The following ARGFX variants were observed in gnomAD, a reference collection of about 807,000 sequenced individuals.
ARGFX encodes the protein arginine-fifty homeobox.
Under a neutral mutation model 8.0 loss-of-function variants are expected in ARGFX, and 10 were observed. That is an observed-to-expected ratio of 1.25 (90% CI 0.77 to 2.12). The LOEUF (loss-of-function observed/expected upper bound fraction) is 2.12, where lower values mean the gene tolerates loss of function less well. Ranked by LOEUF, ARGFX falls within the 30% of genes most tolerant of loss-of-function variation. The pLI is 0.00. For missense variants in ARGFX, 282 were observed against 324.3 expected (o/e 0.87, Z 1.00); for synonymous variants, 116 against 117.8 (o/e 0.98, Z 0.10).
chr3:121,584,892 C>T, intron 3 of ARGFX, 25 bp from the exon 4 acceptor site: 1 of 1,597,256 alleles, frequency 6.3e-7, no homozygotes, highest in Non-Finnish European at 8.5e-7. Context: ...AATGTAACCA[C>T]CCCTTCTTTA....
rs1430268165 is a variant in ARGFX, at chr3:121,589,496, C to A, written c.*2896C>A. ...GGGTCAAATGATTCTCCTGCTTTAGCCTCCCAAGTAGCTGGGACTACAGGT... is the reference window on the plus strand; with the variant it reads ...GGGTCAAATGATTCTCCTGCTTTAGACTCCCAAGTAGCTGGGACTACAGGT... On this transcript the variant is annotated 3_prime_UTR_variant, in exon 5 of 5. Transcript: ENST00000334384. 6.6e-6 allele frequency among the ~76,000 whole-genome samples: 1 copy of A among 152,052 alleles called. No individual in the cohort carries two copies. The highest frequency in any genetic ancestry group is 1.5e-5 in the Non-Finnish European group (1 of 68,008).
At chr3:121,568,645 G>C (rs552746085) in intron 1 of ARGFX, among the ~76,000 whole-genome samples, 1 of 152,212 alleles carries the variant, frequency 6.6e-6, no homozygotes, top group African/African-American at 2.4e-5. Context: ...TCTCTACCTG[G>C]CCAAACTTTT....
At chr3:121,570,349 T>G (rs1244085857) in intron 1 of ARGFX, among the ~76,000 whole-genome samples, 1 of 152,236 alleles carries the variant, frequency 6.6e-6, no homozygotes, top group Non-Finnish European at 1.5e-5. Flanking sequence ...TTTGAAGTGC[T>G]AAAAGAACTG....
At chr3:121,577,039 A>G (rs2048742690) in intron 3 of ARGFX, 139 bp downstream of exon 3, 1 of 152,022 alleles carries the variant, frequency 6.6e-6, no homozygotes, top group Non-Finnish European at 1.5e-5. Flanking sequence ...GATAAAACAA[A>G]AGTACTTGAT....
intron 3 of ARGFX, among the ~76,000 whole-genome samples, chr3:121,579,955 T>TC: frequency 7.3e-6 from 1 of 136,806 alleles, no homozygotes; most frequent in Non-Finnish European, 1.6e-5. Context: ...CTTTTTTTTT[T>TC]TTTTTTTTTT....
rs565131967 is a variant in ARGFX, at chr3:121,584,291, G to T, written c.221-626G>T. On this transcript the variant is annotated intron_variant, in intron 3 of 4. Coordinates refer to ENST00000334384, the MANE Select transcript of ARGFX (RefSeq NM_001012659.2). ...GGAAAGAAAAGAAGAGCAAAGCAAA[G>T]CAAAGCAAAGAAAAGAGCCTATTTG... Among the ~76,000 whole-genome samples, 4 of 151,750 alleles carry T rather than the reference G, an allele frequency of 2.6e-5. No homozygotes were observed. The East Asian group carries it at 7.8e-4, about 29-fold the overall frequency.
Position 121,576,717 on chromosome 3 carries a change from TTCTTTC to T in ARGFX, c.104-65_104-60del, listed in dbSNP as rs755201058. 1.5e-5 allele frequency: 4 copies of T among 262,628 alleles called. No individual in the cohort carries two copies. The East Asian group carries it at 4.8e-4, about 31-fold the overall frequency. The allele number at this position is 262,628 out of a possible 1,614,324, so 16.3% of individuals were successfully genotyped here. A position where few individuals can be genotyped will look rare whatever the true frequency, so the allele number is the denominator to read the frequency against. ...TTTCTCTTTCTTTCTTTTTCTTTCT[TTCTTTC>T]TTTCTTTCTTTCTTTCTTTCTTTTT... is the stretch of plus-strand genomic sequence containing the variant. On this transcript the variant is annotated intron_variant, in intron 2 of 4. Transcript: ENST00000334384.
Position 121,567,970 on chromosome 3 carries a change from C to G in ARGFX, c.-56C>G, listed in dbSNP as rs2048682637. ...AACTGCATTTCCAGAGAGAGACACA[C>G]CACGTAGGACTGAAAATGGTTACTC... is the stretch of plus-strand genomic sequence containing the variant. On this transcript the variant is annotated 5_prime_UTR_variant, in exon 1 of 5. Transcript: ENST00000334384. Among the ~76,000 whole-genome samples the G allele has an allele frequency of 6.6e-6, 1 of 151,960 alleles. No homozygotes were observed. Among genetic ancestry groups the G allele is most frequent in the Admixed American group, 6.6e-5 (1 of 15,248 alleles).
intron 3 of ARGFX, among the ~76,000 whole-genome samples, chr3:121,577,226 C>CACATATAT (rs2048744182): frequency 3.4e-5 from 3 of 87,142 alleles, no homozygotes; most frequent in African/African-American, 1.5e-4. Flanking sequence ...TCTACATGTA[C>CACATATAT]ATATATATAT....
At chr3:121,583,729 A>T (rs1201422235) in intron 3 of ARGFX, among the ~76,000 whole-genome samples, 1 of 150,802 alleles carries the variant, frequency 6.6e-6, no homozygotes, top group Non-Finnish European at 1.5e-5. Flanking sequence ...GTCTCCCTAC[A>T]CTCCCCAGGC....
Position 121,586,093 on chromosome 3 carries a change from G to A in ARGFX, c.441G>A (p.Gln147=). The A allele has an allele frequency of 6.2e-7, 1 of 1,607,312 alleles. No homozygotes were observed. Among genetic ancestry groups the A allele is most frequent in the South Asian group, 1.1e-5 (1 of 89,720 alleles). ...QQQQSAKQRN[Q]ILPSKKNVPT... is the part of the protein sequence containing the mutation. ...AGCAATCAGCAAAGCAACGAAACCAGATCCTTCCATCCAAGAAGAATGTGC... is the reference window on the plus strand; with the variant it reads ...AGCAATCAGCAAAGCAACGAAACCAAATCCTTCCATCCAAGAAGAATGTGC... Residue 147 remains glutamine (Q), a synonymous_variant, in exon 5 of 5, where the codon CAG becomes CAA. Coordinates refer to ENST00000334384, the MANE Select transcript of ARGFX (RefSeq NM_001012659.2).
chr3:121,586,081 G>A lies in ARGFX; in HGVS notation c.429G>A (p.Lys143=). Residue 143 remains lysine, a synonymous_variant, in exon 5 of 5, where the codon AAG becomes AAA. Transcript: ENST00000334384. ...AGCAGCAGCAGCAGCAATCAGCAAA[G>A]CAACGAAACCAGATCCTTCCATCCA... The part of the protein sequence containing the change: ...LKKQQQQQSA[K]QRNQILPSKK... 6.2e-7 allele frequency: 1 copy of A among 1,600,100 alleles called. No individual in the cohort carries two copies. The highest frequency in any genetic ancestry group is 2.2e-5 in the East Asian group (1 of 44,732).
intron 3 of ARGFX, among the ~76,000 whole-genome samples, chr3:121,580,622 T>TTTTTTTTA (rs2048773040): frequency 2.8e-5 from 4 of 142,712 alleles, no homozygotes; most frequent in African/African-American, 5.1e-5. Flanking sequence ...TTTTTTTTTT[T>TTTTTTTTA]GAGATGAAGT....
In ARGFX at chr3:121,586,336, C is replaced by G. The variant is rs1254772349; in HGVS notation, c.684C>G (p.Phe228Leu). Residue 228 changes from phenylalanine (F) to leucine (L), a missense_variant, in exon 5 of 5, where the codon TTC becomes TTG. Physicochemically the swap from Phe to Leu is conservative, Grantham distance 22. Coordinates refer to ENST00000334384, the MANE Select transcript of ARGFX (RefSeq NM_001012659.2). ...TGTACTCTGATGCCTATGACATATT[C>G]CAAATCATAGAACTGTACAATCTTC... ...PALYSDAYDIFQIIELYNLPD... is the reference protein window; with the variant it reads ...PALYSDAYDILQIIELYNLPD... 5 of 1,614,190 alleles carry G rather than the reference C, an allele frequency of 3.1e-6. No individual in the cohort carries two copies. The South Asian group carries it at 5.5e-5, about 18-fold the overall frequency.
chr3:121,568,875 C>T (rs2048689446), intron 1 of ARGFX, among the ~76,000 whole-genome samples: 2 of 152,118 alleles, frequency 1.3e-5, no homozygotes, highest in Admixed American at 1.3e-4. Context: ...AATGCTAAGC[C>T]TTAGGCCATC....
In ARGFX at chr3:121,590,339, A is replaced by C. The variant is rs1576447027; in HGVS notation, c.*3739A>C. Among the ~76,000 whole-genome samples the C allele has an allele frequency of 6.6e-6, 1 of 152,242 alleles. No homozygotes were observed. Among genetic ancestry groups the C allele is most frequent in the Admixed American group, 6.5e-5 (1 of 15,278 alleles). On this transcript the variant is annotated 3_prime_UTR_variant, in exon 5 of 5. Transcript: ENST00000334384. ...GTGAGACCTTTAAGGGTTACTAGGC[A>C]GAGCCCCCATGAATGGATTAATGCC...
chr3:121,574,487 C>T (rs1053037363), intron 2 of ARGFX, among the ~76,000 whole-genome samples: 1 of 152,184 alleles, frequency 6.6e-6, no homozygotes. Context: ...GACAGATCAC[C>T]AGGCATTAGA....
intron 3 of ARGFX, among the ~76,000 whole-genome samples, chr3:121,578,374 A>G (rs1361967687): frequency 6.6e-6 from 1 of 150,404 alleles, no homozygotes; most frequent in Non-Finnish European, 1.5e-5. Context: ...TGATCCACCC[A>G]CCTCAGCCTC....
chr3:121,571,579 T>TTATTA lies in ARGFX; in HGVS notation c.103+764_103+765insATTAT, dbSNP rs35055897. 0.013 allele frequency among the ~76,000 whole-genome samples: 1,989 copies of TTATTA among 148,736 alleles called. 107 individuals are homozygous for TTATTA. The East Asian group carries it at 0.18, about 14-fold the overall frequency. On this transcript the variant is annotated intron_variant, in intron 2 of 4. Coordinates refer to ENST00000334384, the MANE Select transcript of ARGFX (RefSeq NM_001012659.2). ...TATTATTATTATTATTATTATTATTTTTTGAGACAGTCTTGCTCTGTCACC... is the reference window on the plus strand; with the variant it reads ...TATTATTATTATTATTATTATTATTTTATTATTTGAGACAGTCTTGCTCTGTCACC...
Sources: allele counts gnomAD v4.1 joint callset (sites outside exome capture counted in the v4.1 genomes callset), GRCh38; gene constraint gnomAD v4.1.1; transcripts MANE v1.5; gene names NCBI Gene and HGNC (gene_info 2026-07-23, HGNC 2026-07-21).